Variants in NCOA6 observed in about 807,000 individuals in gnomAD.
NCOA6 encodes NRC RAP250.
In NCOA6, 49 loss-of-function variants were observed where a neutral mutation model predicts 171.4. The ratio of observed to expected loss-of-function variants is 0.29; its 90% CI spans 0.23 to 0.36. NCOA6 has a LOEUF of 0.36. Among genes scored for constraint, NCOA6 ranks in the 10% least tolerant of loss-of-function variants. The pLI is 1.00. For missense variants in NCOA6, 2,248 were observed against 2,554.5 expected (o/e 0.88, Z 2.59); for synonymous variants, 910 against 927.5 (o/e 0.98, Z 0.34).
chr20:34,721,238 CAAAAAAAAAAAAA>C (rs10531679), intron 14 of NCOA6, among the ~76,000 whole-genome samples: 6 of 66,050 alleles, frequency 9.1e-5, no homozygotes, highest in East Asian at 4.8e-4. Flanking sequence ...TTCCTCTATA[CAAAAAAAAAAAAA>C]AAAAAAAAAA....
chr20:34,783,691 C>G (rs1462893020), intron 2 of NCOA6, among the ~76,000 whole-genome samples: 4 of 152,184 alleles, frequency 2.6e-5, no homozygotes, highest in Non-Finnish European at 5.9e-5. Context: ...TGGCACAATT[C>G]GGCTCACTGC....
chr20:34,729,547 CA>C (rs1990363904), intron 13 of NCOA6, among the ~76,000 whole-genome samples: 2 of 151,630 alleles, frequency 1.3e-5, no homozygotes, highest in Non-Finnish European at 3.0e-5. Context: ...CAAAACAAAA[CA>C]AAACAAAACA....
Position 34,782,303 on chromosome 20 carries a change from G to T in NCOA6, c.53C>A (p.Ser18Ter). 6.2e-7 allele frequency: 1 copy of T among 1,612,556 alleles called. No homozygotes were observed. The highest frequency in any genetic ancestry group is 1.1e-5 in the South Asian group (1 of 90,878). ...CATCTCTGAGTCTTCCATTGTTGAT[G>T]AACACAAGGAAGTATAGATGTCTTC... ...NLEDIYTSLC[S>*]STMEDSEMDF... The change falls in exon 3 of 15, where the codon TCA becomes TAA. Residue 18 changes from serine to a stop codon, truncating the protein, a stop_gained. Transcript: ENST00000359003. LOFTEE classifies it high-confidence loss of function.
At chr20:34,719,895 A>G (rs982135412) in intron 14 of NCOA6, among the ~76,000 whole-genome samples, 3 of 152,208 alleles carry the variant, frequency 2.0e-5, no homozygotes, top group Non-Finnish European at 4.4e-5. Flanking sequence ...GTTCACTTGC[A>G]TATCTACAGT....
At chr20:34,798,537 T>C (rs1031247573) in intron 1 of NCOA6, among the ~76,000 whole-genome samples, 1 of 152,224 alleles carries the variant, frequency 6.6e-6, no homozygotes, top group Non-Finnish European at 1.5e-5. Context: ...GTGCTGGCTT[T>C]AGGTCTGACC....
At chr20:34,760,949 G>A (rs2076797859) in intron 5 of NCOA6, among the ~76,000 whole-genome samples, 5 of 151,462 alleles carry the variant, frequency 3.3e-5, no homozygotes, top group Middle Eastern at 6.8e-3. Flanking sequence ...GGCCAGGCAC[G>A]GTGGCTGACA....
intron 1 of NCOA6, among the ~76,000 whole-genome samples, chr20:34,815,969 C>T (rs2078821620): frequency 6.6e-6 from 1 of 152,190 alleles, no homozygotes; most frequent in South Asian, 2.1e-4. Flanking sequence ...TGCCATCCTG[C>T]TCCCACACAC....
chr20:34,729,228 G>C (rs1024604376), intron 13 of NCOA6, among the ~76,000 whole-genome samples: 1 of 152,238 alleles, frequency 6.6e-6, no homozygotes, highest in Non-Finnish European at 1.5e-5. Context: ...TGGGATTACA[G>C]GTGTGAGCCA....
At chr20:34,737,186 T>A (rs1471499328) in intron 11 of NCOA6, among the ~76,000 whole-genome samples, 1 of 152,220 alleles carries the variant, frequency 6.6e-6, no homozygotes, top group Non-Finnish European at 1.5e-5. Context: ...GACTATACTC[T>A]ATGAGAGTGG....
At chr20:34,788,508 T>C (rs1461852710) in intron 2 of NCOA6, among the ~76,000 whole-genome samples, 2 of 152,184 alleles carry the variant, frequency 1.3e-5, no homozygotes, top group African/African-American at 2.4e-5. Flanking sequence ...TAAACTGACA[T>C]GGCACACTGG....
intron 12 of NCOA6, among the ~76,000 whole-genome samples, chr20:34,733,705 T>C (rs1438729957): frequency 6.6e-6 from 1 of 151,880 alleles, no homozygotes; most frequent in African/African-American, 2.4e-5. Context: ...TGGACTACTC[T>C]GCCTTTAATG....
In NCOA6 at chr20:34,727,320, A is replaced by G. The variant is rs766849906; in HGVS notation, c.6087T>C (p.Ser2029=). The G allele has an allele frequency of 3.1e-6, 5 of 1,614,134 alleles. No homozygotes were observed. The Admixed American group carries it at 8.3e-5, about 27-fold the overall frequency. The change falls in exon 14 of 15, where the codon AGT becomes AGC. Residue 2029 remains serine, a synonymous_variant. Coordinates refer to ENST00000359003, the MANE Select transcript of NCOA6 (RefSeq NM_014071.5). ...RTEEPTVASE[S]VENGHRKRSS... is the part of the protein sequence containing the mutation. ...ATCGTTTACGATGTCCATTTTCCAC[A>G]CTTTCAGAGGCCACAGTTGGCTCTT...
chr20:34,817,759 C>G (rs1405301886), intron 1 of NCOA6, among the ~76,000 whole-genome samples: 1 of 152,168 alleles, frequency 6.6e-6, no homozygotes, highest in Non-Finnish European at 1.5e-5. Context: ...CCTAAAGGAG[C>G]ACTCACCCAA....
chr20:34,809,692 T>C (rs1014904727), intron 1 of NCOA6, among the ~76,000 whole-genome samples: 1 of 152,144 alleles, frequency 6.6e-6, no homozygotes, highest in African/African-American at 2.4e-5. Context: ...AAAGGCCAGG[T>C]GCTGTGGCTC....
chr20:34,760,311 T>C (rs527843159), intron 5 of NCOA6, among the ~76,000 whole-genome samples: 1 of 152,340 alleles, frequency 6.6e-6, no homozygotes, highest in South Asian at 2.1e-4. Context: ...ATACTTATTC[T>C]CTTTTCCTTT....
At chr20:34,732,235 TTATTAA>T (rs1480177482) in intron 13 of NCOA6, among the ~76,000 whole-genome samples, 17 of 152,344 alleles carry the variant, frequency 1.1e-4, no homozygotes, top group Admixed American at 6.5e-5. Flanking sequence ...GCAAGGACTA[TTATTAA>T]TATTAATATC....
At chr20:34,822,568 A>T (rs1230693578) in intron 1 of NCOA6, among the ~76,000 whole-genome samples, 2 of 152,196 alleles carry the variant, frequency 1.3e-5, no homozygotes, top group South Asian at 2.1e-4. Context: ...GGCATCGACC[A>T]TCCTGAACTA....
rs1395267557 is a variant in NCOA6 at position 34,741,509 on chromosome 20, C to T, written c.4747G>A (p.Val1583Ile). The T allele has an allele frequency of 6.2e-7, 1 of 1,614,052 alleles. No individual in the cohort carries two copies. The highest frequency in any genetic ancestry group is 1.7e-5 in the Admixed American group (1 of 60,002). The change falls in exon 11 of 15, where the codon GTT (valine) becomes ATT (isoleucine). Residue 1583 changes from valine to isoleucine, a missense_variant. By Grantham distance (29) the Val-to-Ile change is conservative. Around this residue, in one of 7 missense-constraint regions of NCOA6, gnomAD observed 884 missense variants for 941.9 expected, o/e 0.94. Transcript: ENST00000359003. ...GGAGTGGAAATGGAGGAAGAGCTAACAGGTCTTGACATTACTGGAGGGATG... is the reference window on the plus strand; with the variant it reads ...GGAGTGGAAATGGAGGAAGAGCTAATAGGTCTTGACATTACTGGAGGGATG... ...PSIPPVMSRP[V>I]SSSSISTPLP...
chr20:34,739,890 GT>G (rs2076078149), intron 11 of NCOA6, among the ~76,000 whole-genome samples: 3 of 152,074 alleles, frequency 2.0e-5, no homozygotes, highest in Admixed American at 2.0e-4. Context: ...TTCAGACAGA[GT>G]CTCGCTCTGT....
Sources: gnomAD v4.1 joint callset for allele counts (sites outside exome capture counted in the v4.1 genomes callset) on GRCh38, gnomAD v4.1.1 for gene constraint, gnomAD v4.1.1 regional missense constraint, MANE v1.5 for transcripts, NCBI Gene and HGNC (gene_info 2026-07-23, HGNC 2026-07-21) for gene names.